Variants in UBR1 observed in about 807,000 individuals in gnomAD.
UBR1 encodes the protein E3 ubiquitin-protein ligase UBR1.
Under a neutral mutation model 242.1 loss-of-function variants are expected in UBR1, and 102 were observed. The ratio of observed to expected loss-of-function variants is 0.42; its 90% CI spans 0.36 to 0.50. The LOEUF is 0.50. UBR1 is among the 20% of genes least tolerant of loss of function. The pLI, the probability that UBR1 is intolerant of heterozygous loss-of-function variation, is 0.01. For synonymous variants in UBR1, 675 were observed against 684.8 expected (o/e 0.99, Z 0.22); for missense variants, 1,772 against 2,101.8 (o/e 0.84, Z 3.07).
In UBR1 at chr15:43,063,764, C is replaced by T. The variant is rs983155160; in HGVS notation, c.799-3650G>A. Among the ~76,000 whole-genome samples the T allele has an allele frequency of 4.0e-5, 6 of 151,072 alleles. No homozygotes were observed. In the South Asian group the frequency reaches 8.4e-4, roughly 21 times the overall value. On this transcript the variant is annotated intron_variant, in intron 6 of 46. Coordinates refer to ENST00000290650, the MANE Select transcript of UBR1 (RefSeq NM_174916.3). ...TTTTTTGAGATGGAGTTTCGTTCAT[C>T]GTTGCCCAGGCTGGATGCAATGGAT...
At chr15:42,949,203 C>G (rs2031787148) in intron 46 of UBR1, among the ~76,000 whole-genome samples, 1 of 145,198 alleles carries the variant, frequency 6.9e-6, no homozygotes, top group Non-Finnish European at 1.5e-5. Flanking sequence ...ACCATATGTT[C>G]TCACTCATAG....
chr15:43,104,304 A>G (rs2034271507), intron 1 of UBR1, among the ~76,000 whole-genome samples: 1 of 152,196 alleles, frequency 6.6e-6, no homozygotes, highest in Non-Finnish European at 1.5e-5. Context: ...TTAATGTATC[A>G]AAGCTTTAAA....
chr15:43,090,991 G>C (rs2034099146), intron 1 of UBR1, among the ~76,000 whole-genome samples: 1 of 152,094 alleles, frequency 6.6e-6, no homozygotes, highest in Admixed American at 6.5e-5. Flanking sequence ...CCAGGCTGGA[G>C]TGCAATGGCA....
chr15:43,040,320 G>C (rs1317866689), intron 15 of UBR1, among the ~76,000 whole-genome samples: 1 of 152,126 alleles, frequency 6.6e-6, no homozygotes, highest in African/African-American at 2.4e-5. Flanking sequence ...TCTGATCTTT[G>C]ACAAACCTGA....
chr15:42,972,406 TCA>T (rs1245103976), intron 39 of UBR1, among the ~76,000 whole-genome samples: 5 of 152,168 alleles, frequency 3.3e-5, no homozygotes, highest in Admixed American at 1.3e-4. Flanking sequence ...TCTTGCTCTG[TCA>T]CACAGACTGG....
At chr15:43,031,683 G>A (rs1476518500) in intron 20 of UBR1, among the ~76,000 whole-genome samples, 3 of 152,132 alleles carry the variant, frequency 2.0e-5, no homozygotes, top group Admixed American at 6.6e-5. Context: ...ACCAAACAGC[G>A]TTTGGTGCAG....
intron 12 of UBR1, among the ~76,000 whole-genome samples, chr15:43,050,972 T>G (rs1350220762): frequency 6.6e-6 from 1 of 152,112 alleles, no homozygotes; most frequent in East Asian, 1.9e-4. Context: ...CATACACTGT[T>G]GGTAGGAGCA....
chr15:43,049,959 C>G (rs1031774556), intron 12 of UBR1, among the ~76,000 whole-genome samples: 6 of 151,850 alleles, frequency 4.0e-5, no homozygotes, highest in Non-Finnish European at 8.8e-5. Context: ...TCCCTGCCCC[C>G]GTTTTTTTTT....
chr15:43,050,337 T>A (rs2033538874), intron 12 of UBR1, among the ~76,000 whole-genome samples: 1 of 151,936 alleles, frequency 6.6e-6, no homozygotes, highest in Non-Finnish European at 1.5e-5. Context: ...GGGAGAAAAT[T>A]TTTGCAAACT....
At chr15:43,084,530 C>T (rs2034011603) in intron 2 of UBR1, among the ~76,000 whole-genome samples, 1 of 152,200 alleles carries the variant, frequency 6.6e-6, no homozygotes. Flanking sequence ...AATCTCGGCT[C>T]ACCACAACCT....
intron 39 of UBR1, among the ~76,000 whole-genome samples, chr15:42,972,271 T>C (rs568522536): frequency 6.6e-6 from 1 of 152,366 alleles, no homozygotes; most frequent in African/African-American, 2.4e-5. Flanking sequence ...GTTGGATTTG[T>C]ATAGTATACA....
intron 2 of UBR1, among the ~76,000 whole-genome samples, chr15:43,082,987 C>T (rs1052792627): frequency 9.2e-5 from 14 of 152,168 alleles, no homozygotes; most frequent in African/African-American, 1.4e-4. Context: ...GACCTGGTTT[C>T]GAACTGTTAG....
chr15:43,082,806 T>C, intron 2 of UBR1, 90 bp from the exon 3 acceptor site: 1 of 926,072 alleles, frequency 1.1e-6, no homozygotes, highest in Non-Finnish European at 1.8e-6. Context: ...ACAAGTTTCC[T>C]CTATGGTACA....
At position 43,077,671 on chromosome 15, in the gene UBR1, A is replaced by AT. The variant is rs577979520; in HGVS notation, c.418-2583_418-2582insA. On this transcript the variant is annotated intron_variant, in intron 3 of 46. Transcript: ENST00000290650. ...TAAAAAAAAAAAAATCTGAGAAAAAAAAAAATAAAAATAAAAATAAAATAA... is the reference window on the plus strand; with the variant it reads ...TAAAAAAAAAAAAATCTGAGAAAAAATAAAAATAAAAATAAAAATAAAATAA... Among the ~76,000 whole-genome samples the AT allele has an allele frequency of 4.9e-3, 741 of 151,528 alleles. 7 individuals carry two copies. Among genetic ancestry groups the AT allele is most frequent in the African/African-American group, 0.017 (712 of 41,376 alleles).
intron 6 of UBR1, among the ~76,000 whole-genome samples, chr15:43,065,307 C>T (rs1184258964): frequency 1.3e-5 from 2 of 151,912 alleles, no homozygotes; most frequent in African/African-American, 4.8e-5. Context: ...TTTCTTTGCC[C>T]ACTTTTCTCT....
chr15:43,047,673 G>A (rs1214354454), intron 13 of UBR1, among the ~76,000 whole-genome samples: 2 of 152,200 alleles, frequency 1.3e-5, no homozygotes, highest in Admixed American at 1.3e-4. Context: ...TTTAGGAGAT[G>A]TCAAGATGAA....
chr15:43,095,458 C>T (rs2034147984), intron 1 of UBR1, among the ~76,000 whole-genome samples: 1 of 151,490 alleles, frequency 6.6e-6, no homozygotes, highest in Non-Finnish European at 1.5e-5. Context: ...AGTGCACTAA[C>T]TCTACTGGAG....
intron 6 of UBR1, among the ~76,000 whole-genome samples, chr15:43,067,235 G>A (rs924373226): frequency 6.7e-6 from 1 of 148,980 alleles, no homozygotes; most frequent in Non-Finnish European, 1.5e-5. Context: ...GTTTTTTTTT[G>A]ACTCCGTTTG....
intron 39 of UBR1, among the ~76,000 whole-genome samples, chr15:42,972,314 T>C (rs531243871): frequency 7.7e-4 from 118 of 152,314 alleles, no homozygotes; most frequent in African/African-American, 2.8e-3. Context: ...TAGCTAGTAA[T>C]AGGCATTTAG....
Sources: allele counts gnomAD v4.1 joint callset (sites outside exome capture counted in the v4.1 genomes callset), GRCh38; gene constraint gnomAD v4.1.1; transcripts MANE v1.5; gene names NCBI Gene and HGNC (gene_info 2026-07-23, HGNC 2026-07-21).